Variants in TMEM63A observed in about 807,000 individuals in gnomAD.
TMEM63A encodes the protein transmembrane protein 63A.
A neutral mutation model predicts 100.6 loss-of-function variants in TMEM63A; 76 were observed. The observed-to-expected ratio is 0.76, with a 90% CI of 0.63 to 0.91. TMEM63A has a LOEUF of 0.91. TMEM63A is among the 40% of genes least tolerant of loss of function. TMEM63A has a pLI of 0.00. For synonymous variants in TMEM63A, 401 were observed against 401.1 expected (o/e 1.00, Z 0.00); for missense variants, 876 against 1,008.8 (o/e 0.87, Z 1.78).
At position 225,874,608 on chromosome 1, in the gene TMEM63A, C is replaced by T. The variant is rs151106664; in HGVS notation, c.187-241G>A. 1.8e-3 allele frequency among the ~76,000 whole-genome samples: 273 copies of T among 152,368 alleles called. 3 individuals carry two copies. The highest frequency in any genetic ancestry group is 0.015 in the South Asian group (71 of 4,832). On this transcript the variant is annotated intron_variant, in intron 3 of 24. Transcript: ENST00000366835. ...ACGCCACCAAGGCTGCCAGCGCTGA[C>T]GCCAAGCTTGCCTGGAGCCTGCCTA...
At chr1:225,845,040 G>A, downstream of TMEM63A, 2 of 1,195,840 alleles carry the variant, frequency 1.7e-6, no homozygotes, top group Non-Finnish European at 2.5e-6. Flanking sequence ...GGCTCCTTGT[G>A]GGTGGGCCAG....
In TMEM63A at chr1:225,853,515, A is replaced by C; in HGVS notation, c.1797+114T>G. 2.5e-5 allele frequency: 26 copies of C among 1,050,206 alleles called. No homozygotes were observed. Among genetic ancestry groups the C allele is most frequent in the Non-Finnish European group, 3.3e-5 (25 of 756,278 alleles). 65.1% of individuals were successfully genotyped at this position (1,050,206 alleles called of 1,614,324 possible). A position where few individuals can be genotyped will look rare whatever the true frequency, so the allele number is the denominator to read the frequency against. ...TAGCCCAGTGCCTGCACTAGTGGGTAGTCAGGTAAATGCTACCCACTAGTG... is the reference window on the plus strand; with the variant it reads ...TAGCCCAGTGCCTGCACTAGTGGGTCGTCAGGTAAATGCTACCCACTAGTG... On this transcript the variant is annotated intron_variant, in intron 19 of 24. Coordinates refer to ENST00000366835, the MANE Select transcript of TMEM63A (RefSeq NM_014698.3). This position sits in a 1 kb window ranked among gnomAD's most constrained non-coding sequence, Gnocchi z 4.0.
chr1:225,873,914 C>T (rs1482876109), intron 4 of TMEM63A, among the ~76,000 whole-genome samples: 1 of 152,234 alleles, frequency 6.6e-6, no homozygotes, highest in Non-Finnish European at 1.5e-5. Context: ...CTGAAGCCAA[C>T]AAGGTTCATA....
intron 8 of TMEM63A, 95 bp from the exon 9 acceptor site, chr1:225,866,777 C>A (rs1487714754): frequency 9.0e-7 from 1 of 1,105,478 alleles, no homozygotes; most frequent in South Asian, 1.4e-5. Context: ...GGGCACTGAA[C>A]TGAGGACCAA....
rs1361824425 is a variant in TMEM63A at position 225,866,657 on chromosome 1, T to TCA, written c.591_592insTG (p.Ile198Ter). The TCA allele has an allele frequency of 2.5e-6, 4 of 1,614,000 alleles. No homozygotes were observed. In the African/African-American group the frequency reaches 4.0e-5, roughly 16 times the overall value. On this transcript the variant is annotated frameshift_variant, in exon 9 of 25. Coordinates refer to ENST00000366835, the MANE Select transcript of TMEM63A (RefSeq NM_014698.3). LOFTEE classifies it high-confidence loss of function. ...AGGAAGAGGTAAATGACAGCAAAGA[T>TCA]GGTGTGCAGCCAAAGGAGGTCATTG...
chr1:225,843,764 T>C (rs2740173), downstream of TMEM63A, among the ~76,000 whole-genome samples: 151,829 of 152,384 alleles, frequency 1, 75,641 homozygotes, highest in East Asian at 1. Flanking sequence ...CGGGCAGAGC[T>C]GAAAGGGAGA....
chr1:225,847,362 C>A (rs1218915627), intron 23 of TMEM63A, 149 bp from the exon 24 acceptor site: 13 of 940,192 alleles, frequency 1.4e-5, no homozygotes, highest in East Asian at 2.7e-5. Flanking sequence ...ACATTAAGAC[C>A]GAAAATATGA....
chr1:225,869,430 G>A (rs1670379579), intron 6 of TMEM63A, among the ~76,000 whole-genome samples: 1 of 152,120 alleles, frequency 6.6e-6, no homozygotes, highest in African/African-American at 2.4e-5. Flanking sequence ...CTCCCATGGG[G>A]CTCTGTCTCC....
chr1:225,880,635 G>A (rs901602213), intron 1 of TMEM63A, among the ~76,000 whole-genome samples: 4 of 152,040 alleles, frequency 2.6e-5, no homozygotes, highest in Admixed American at 1.3e-4. Context: ...TCAATATGCC[G>A]AGGGTAGGAA....
At chr1:225,878,924 G>A (rs955410196) in intron 2 of TMEM63A, among the ~76,000 whole-genome samples, 4 of 118,350 alleles carry the variant, frequency 3.4e-5, no homozygotes, top group Non-Finnish European at 5.2e-5. Context: ...ACACACACAC[G>A]AAGCACAGGA....
intron 5 of TMEM63A, 47 bp from the exon 6 acceptor site, chr1:225,871,160 G>C: frequency 6.3e-7 from 1 of 1,591,658 alleles, no homozygotes; most frequent in Non-Finnish European, 8.6e-7. Flanking sequence ...TTGTGTCTTT[G>C]AGAGGCAGAT....
At chr1:225,878,877 TACCTACCTACACAC>T (rs1166852442) in intron 2 of TMEM63A, among the ~76,000 whole-genome samples, 18 of 117,352 alleles carry the variant, frequency 1.5e-4, no homozygotes, top group South Asian at 2.9e-4. Flanking sequence ...CCTACCTACC[TACCTACCTACACAC>T]ACACACACAC....
Position 225,859,229 on chromosome 1 carries a change from CTTGTCCA to C in TMEM63A, c.1337_1343del (p.Met446SerfsTer11), listed in dbSNP as rs1669809126. Reference sequence around the variant, plus strand: ...CATGGATGGGTTTGGTGACATTAAACTTGTCCATGGTGGACAGGATGATGGAGGGTGT... The same window carrying C: ...CATGGATGGGTTTGGTGACATTAAACTGGTGGACAGGATGATGGAGGGTGT... On this transcript the variant is annotated frameshift_variant, in exon 15 of 25. Coordinates refer to ENST00000366835, the MANE Select transcript of TMEM63A (RefSeq NM_014698.3). LOFTEE classifies it high-confidence loss of function. The C allele has an allele frequency of 6.2e-7, 1 of 1,614,140 alleles. No homozygotes were observed. The highest frequency in any genetic ancestry group is 1.7e-5 in the Admixed American group (1 of 60,022).
chr1:225,851,474 A>G (rs1669338583), intron 20 of TMEM63A, among the ~76,000 whole-genome samples: 1 of 151,974 alleles, frequency 6.6e-6, no homozygotes, highest in Non-Finnish European at 1.5e-5. Context: ...AGTTCAAGTG[A>G]TTCTCCTACC....
intron 20 of TMEM63A, among the ~76,000 whole-genome samples, chr1:225,851,921 T>A (rs984008403): frequency 3.3e-5 from 5 of 152,268 alleles, no homozygotes; most frequent in African/African-American, 1.2e-4. Flanking sequence ...CTGGTTCTCC[T>A]GCTTACTAAC....
intron 23 of TMEM63A, 82 bp downstream of exon 23, chr1:225,848,410 G>A: frequency 4.9e-6 from 7 of 1,432,254 alleles, no homozygotes; most frequent in Non-Finnish European, 6.7e-6. Context: ...TCAAAGATTT[G>A]CCGGGGCCCA....
Position 225,853,684 on chromosome 1 carries a change from T to G in TMEM63A, c.1742A>C (p.Tyr581Ser). 1 of 1,585,686 alleles carries G rather than the reference T, an allele frequency of 6.3e-7. No homozygotes were observed. Among genetic ancestry groups the G allele is most frequent in the Non-Finnish European group, 8.6e-7 (1 of 1,165,912 alleles). The change falls in exon 19 of 25, where the codon TAT (tyrosine) becomes TCT (serine). Residue 581 changes from tyrosine to serine, a missense_variant. Physicochemically the swap from Tyr to Ser is moderately radical, Grantham distance 144 (BLOSUM62 -2). Around this residue, in one of 5 missense-constraint regions of TMEM63A, gnomAD observed 339 missense variants for 342.3 expected, o/e 0.99. Transcript: ENST00000366835. This position sits in a 1 kb window ranked among gnomAD's most constrained non-coding sequence, Gnocchi z 4.0. ...ELLRLPGLIL[Y>S]TFRMIMAKTA... ...CTTGGCCATGATCATGCGGAAGGTA[T>G]AGAGGATGAGACCTGGCAGCCGCAG...
In TMEM63A at chr1:225,853,122, G is replaced by A. The variant is rs1185233213; in HGVS notation, c.1798-353C>T. Among the ~76,000 whole-genome samples the A allele has an allele frequency of 6.6e-6, 1 of 152,192 alleles. No homozygotes were observed. Among genetic ancestry groups the A allele is most frequent in the Non-Finnish European group, 1.5e-5 (1 of 68,032 alleles). On this transcript the variant is annotated intron_variant, in intron 19 of 24. Coordinates refer to ENST00000366835, the MANE Select transcript of TMEM63A (RefSeq NM_014698.3). The surrounding 1 kb of genome is among the most constrained non-coding windows in gnomAD (Gnocchi z 4.0). The stretch of plus-strand genomic sequence containing the variant: ...TTAGTTCATGCCTCTGTGAAATCGG[G>A]ATACTAGCAGTGCCCAGCTCATAAG...
At chr1:225,870,352 G>GAAA (rs34918009) in intron 6 of TMEM63A, among the ~76,000 whole-genome samples, 4 of 140,994 alleles carry the variant, frequency 2.8e-5, no homozygotes, top group Admixed American at 7.0e-5. Context: ...AACTCGGTCT[G>GAAA]AAAAAAAAAA....
Sources: allele counts gnomAD v4.1 joint callset (sites outside exome capture counted in the v4.1 genomes callset), GRCh38; gene constraint gnomAD v4.1.1; regional missense constraint gnomAD v4.1.1; non-coding constraint Gnocchi (gnomAD v3.1); transcripts MANE v1.5; gene names NCBI Gene and HGNC (gene_info 2026-07-23, HGNC 2026-07-21).